The following SLC25A1 variants were observed in gnomAD, a reference collection of about 807,000 sequenced individuals.
SLC25A1 encodes the protein tricarboxylate transport protein, mitochondrial.
Under a neutral mutation model 38.1 loss-of-function variants are expected in SLC25A1, and 26 were observed. That is an observed-to-expected ratio of 0.68 (90% CI 0.50 to 0.95). The LOEUF is 0.95. Among genes scored for constraint, SLC25A1 ranks in the 40% least tolerant of loss-of-function variants. The probability of loss-of-function intolerance (pLI) is 0.00; values close to 1 mark genes in which losing one functional copy is unlikely to be tolerated. For missense variants in SLC25A1, 378 were observed against 426.6 expected (o/e 0.89, Z 1.00); for synonymous variants, 211 against 183.2 (o/e 1.15, Z -1.23).
chr22:19,176,702 AG>A lies in SLC25A1; in HGVS notation c.632-10del. The stretch of plus-strand genomic sequence containing the variant: ...CTTGTTGGGGTTGTCCCCTGGATAT[AG>A]GAGGGGTGAGGTGGGTCAGAGGGTG... On this transcript the variant is annotated splice_polypyrimidine_tract_variant and intron_variant, in intron 6 of 8. Transcript: ENST00000215882. The A allele has an allele frequency of 6.2e-7, 1 of 1,610,434 alleles. No homozygotes were observed. The highest frequency in any genetic ancestry group is 1.1e-5 in the South Asian group (1 of 91,032).
chr22:19,177,036 A>C, intron 5 of SLC25A1, 84 bp downstream of exon 5: 1 of 1,583,262 alleles, frequency 6.3e-7, no homozygotes, highest in Non-Finnish European at 8.7e-7. Flanking sequence ...GTGTTGCACA[A>C]AGCCCAAGGC....
In SLC25A1 at chr22:19,178,208, T is replaced by C. The variant is rs1268260890; in HGVS notation, c.127A>G (p.Thr43Ala). The change falls in exon 2 of 9, where the codon ACC becomes GCC. Residue 43 changes from threonine to alanine, a missense_variant. Coordinates refer to ENST00000215882, the MANE Select transcript of SLC25A1 (RefSeq NM_005984.5). This position sits in a 1 kb window ranked among gnomAD's most constrained non-coding sequence, Gnocchi z 4.9. The part of the protein sequence containing the change: ...GLAGGIEICI[T>A]FPTEYVKTQL... ...GTCTTCACGTACTCGGTGGGGAAGG[T>C]GATGCAGATCTCGATGCCACCCGCC... 3 of 1,551,676 alleles carry C rather than the reference T, an allele frequency of 1.9e-6. No homozygotes were observed. The highest frequency in any genetic ancestry group is 2.6e-6 in the Non-Finnish European group (3 of 1,148,710).
chr22:19,178,452 G>A lies in SLC25A1; in HGVS notation c.94+128C>T. 7.3e-7 allele frequency: 1 copy of A among 1,371,224 alleles called. No homozygotes were observed. Among genetic ancestry groups the A allele is most frequent in the Non-Finnish European group, 9.4e-7 (1 of 1,069,172 alleles). 84.9% of individuals were successfully genotyped at this position (1,371,224 alleles called of 1,614,324 possible). A position where few individuals can be genotyped will look rare whatever the true frequency, so the allele number is the denominator to read the frequency against. Reference sequence around the variant, plus strand: ...GCGGGCGAGTCCCAGCGCGCCGGGTGGGGACCAGGACCGCGCCTCCACGAC... The same window carrying A: ...GCGGGCGAGTCCCAGCGCGCCGGGTAGGGACCAGGACCGCGCCTCCACGAC... On this transcript the variant is annotated intron_variant, in intron 1 of 8. Transcript: ENST00000215882. This position sits in a 1 kb window ranked among gnomAD's most constrained non-coding sequence, Gnocchi z 4.9.
In SLC25A1 at chr22:19,178,130, C is replaced by T. The variant is rs782189539; in HGVS notation, c.202+3G>A. 137 of 1,542,684 alleles carry T rather than the reference C, an allele frequency of 8.9e-5. No homozygotes were observed. The highest frequency in any genetic ancestry group is 1.1e-4 in the Non-Finnish European group (129 of 1,144,036). Reference sequence around the variant, plus strand: ...CGCGGCGCCGCGGCCTCCCCCTCCTCACCGATGCCCCGGTACCGCGGCGGG... The same window carrying T: ...CGCGGCGCCGCGGCCTCCCCCTCCTTACCGATGCCCCGGTACCGCGGCGGG... On this transcript the variant is annotated splice_donor_region_variant and intron_variant, in intron 2 of 8. Transcript: ENST00000215882. The surrounding 1 kb of genome is among the most constrained non-coding windows in gnomAD (Gnocchi z 4.9).
At chr22:19,177,688 TC>T in intron 4 of SLC25A1, 38 bp downstream of exon 4, 1 of 1,601,496 alleles carries the variant, frequency 6.2e-7, no homozygotes, top group Non-Finnish European at 8.5e-7. Context: ...GTCTCCGTAC[TC>T]CCTGCGTGTC....
Position 19,175,969 on chromosome 22 carries a change from G to C in SLC25A1, c.*161C>G, listed in dbSNP as rs1019219352. On this transcript the variant is annotated 3_prime_UTR_variant, in exon 9 of 9. Transcript: ENST00000215882. ...TGGTGGTGTCACACACAGACCACAG[G>C]GGGGACACATGGATTTGACAGCCAC... is the stretch of plus-strand genomic sequence containing the variant. The C allele has an allele frequency of 6.1e-6, 4 of 652,106 alleles. No individual in the cohort carries two copies. The highest frequency in any genetic ancestry group is 4.3e-5 in the Admixed American group (2 of 46,688). The allele number at this position is 652,106 out of a possible 1,614,324, so 40.4% of individuals were successfully genotyped here.
intron 4 of SLC25A1, 136 bp downstream of exon 4, chr22:19,177,591 G>A: frequency 3.2e-6 from 4 of 1,235,460 alleles, no homozygotes; most frequent in Non-Finnish European, 3.3e-6. Flanking sequence ...AGGGCCCCGC[G>A]GTCACCCCGC....
Position 19,176,644 on chromosome 22 carries a change from T to A in SLC25A1, c.681A>T (p.Gly227=). The A allele has an allele frequency of 6.2e-7, 1 of 1,613,762 alleles. No homozygotes were observed. The highest frequency in any genetic ancestry group is 8.5e-7 in the Non-Finnish European group (1 of 1,179,962). The change falls in exon 7 of 9, where the codon GGA becomes GGT. Residue 227 remains glycine, a synonymous_variant. Coordinates refer to ENST00000215882, the MANE Select transcript of SLC25A1 (RefSeq NM_005984.5). Reference sequence around the variant, plus strand: ...AGACACTGGCTGCGCCTGCAATAGCTCCGAAGACCCCAGTGATCAGAGGGT... The same window carrying A: ...AGACACTGGCTGCGCCTGCAATAGCACCGAAGACCCCAGTGATCAGAGGGT... The part of the protein sequence containing the change: ...PMNPLITGVF[G]AIAGAASVFG...
In SLC25A1 at chr22:19,177,948, GCC is replaced by G; in HGVS notation, c.294_295del (p.Ala99ArgfsTer70). On this transcript the variant is annotated frameshift_variant, in exon 3 of 9. Transcript: ENST00000215882. LOFTEE classifies it high-confidence loss of function. ...GCCACCGGCCGGGCCTCACCTGACG[GCC>G]GCCTTGGGGATGGAACCGTAGAGCA... The G allele has an allele frequency of 6.3e-7, 1 of 1,599,436 alleles. No homozygotes were observed. Among genetic ancestry groups the G allele is most frequent in the African/African-American group, 1.3e-5 (1 of 74,798 alleles).
Position 19,176,234 on chromosome 22 carries a change from C to T in SLC25A1, c.832G>A (p.Gly278Ser). ...KKEGLKAFYKGTVPRLGRVCL... is the reference protein window; with the variant it reads ...KKEGLKAFYKSTVPRLGRVCL... ...ACCCGGCCCAGGCGGGGGACAGTGC[C>T]CTTGTAGAATCTGGGTGGGAGGAGG... The change falls in exon 9 of 9, where the codon GGC becomes AGC. Residue 278 changes from glycine (G) to serine (S), a missense_variant. Coordinates refer to ENST00000215882, the MANE Select transcript of SLC25A1 (RefSeq NM_005984.5). 2 of 1,612,926 alleles carry T rather than the reference C, an allele frequency of 1.2e-6. No homozygotes were observed. The highest frequency in any genetic ancestry group is 4.5e-5 in the East Asian group (2 of 44,880).
In SLC25A1 at chr22:19,178,489, C is replaced by T; in HGVS notation, c.94+91G>A. The T allele has an allele frequency of 7.5e-7, 1 of 1,328,942 alleles. No individual in the cohort carries two copies. Among genetic ancestry groups the T allele is most frequent in the Admixed American group, 4.1e-5 (1 of 24,534 alleles). The allele number at this position is 1,328,942 out of a possible 1,614,324, so 82.3% of individuals were successfully genotyped here. A position where few individuals can be genotyped will look rare whatever the true frequency, so the allele number is the denominator to read the frequency against. ...CGCGCCTCCACGACTCCCCAGCCCACGGCCCAACCCGGAAGTGGGGCGGGG... is the reference window on the plus strand; with the variant it reads ...CGCGCCTCCACGACTCCCCAGCCCATGGCCCAACCCGGAAGTGGGGCGGGG... On this transcript the variant is annotated intron_variant, in intron 1 of 8. Coordinates refer to ENST00000215882, the MANE Select transcript of SLC25A1 (RefSeq NM_005984.5). The surrounding 1 kb of genome is among the most constrained non-coding windows in gnomAD (Gnocchi z 4.9).
At chr22:19,177,069 C>T in intron 5 of SLC25A1, 51 bp downstream of exon 5, 1 of 1,594,906 alleles carries the variant, frequency 6.3e-7, no homozygotes, top group Non-Finnish European at 8.6e-7. Context: ...GCAGGCCCTT[C>T]CCACCCTGGC....
rs1555922972 is a variant in SLC25A1, at chr22:19,177,799, A to G, written c.369T>C (p.Arg123=). ...CAGCGCCCAGGCCGCACAGCAGCCC[A>G]CGCGTGCTGTCCAGCCGTCCCTGGG... is the stretch of plus-strand genomic sequence containing the variant. ...RDAQGRLDST[R]GLLCGLGAGV... Residue 123 remains arginine (R), a synonymous_variant, in exon 4 of 9, where the codon CGT becomes CGC. Coordinates refer to ENST00000215882, the MANE Select transcript of SLC25A1 (RefSeq NM_005984.5). 11 of 1,610,832 alleles carry G rather than the reference A, an allele frequency of 6.8e-6. No individual in the cohort carries two copies. The highest frequency in any genetic ancestry group is 7.6e-6 in the Non-Finnish European group (9 of 1,179,476).
chr22:19,177,820 C>T lies in SLC25A1; in HGVS notation c.348G>A (p.Gln116=), dbSNP rs1555923008. 1.9e-6 allele frequency: 3 copies of T among 1,610,840 alleles called. No homozygotes were observed. Among genetic ancestry groups the T allele is most frequent in the Non-Finnish European group, 2.5e-6 (3 of 1,179,224 alleles). The part of the protein sequence containing the change: ...EFLSNHMRDA[Q]GRLDSTRGLL... Reference sequence around the variant, plus strand: ...GCCCACGCGTGCTGTCCAGCCGTCCCTGGGCATCCCGCATGTGGTTGCTGA... The same window carrying T: ...GCCCACGCGTGCTGTCCAGCCGTCCTTGGGCATCCCGCATGTGGTTGCTGA... The change falls in exon 4 of 9, where the codon CAG becomes CAA. Residue 116 remains glutamine, a synonymous_variant. Transcript: ENST00000215882.
Position 19,178,117 on chromosome 22 carries a change from G to A in SLC25A1, c.202+16C>T. ...GGTACCCGCCCCCCGCGGCGCCGCGGCCTCCCCCTCCTCACCGATGCCCCG... is the reference window on the plus strand; with the variant it reads ...GGTACCCGCCCCCCGCGGCGCCGCGACCTCCCCCTCCTCACCGATGCCCCG... On this transcript the variant is annotated intron_variant, in intron 2 of 8. Coordinates refer to ENST00000215882, the MANE Select transcript of SLC25A1 (RefSeq NM_005984.5). The surrounding 1 kb of genome is among the most constrained non-coding windows in gnomAD (Gnocchi z 4.9). 6.5e-7 allele frequency: 1 copy of A among 1,536,206 alleles called. No homozygotes were observed. The highest frequency in any genetic ancestry group is 8.8e-7 in the Non-Finnish European group (1 of 1,141,446).
In SLC25A1 at chr22:19,176,059, G is replaced by T; in HGVS notation, c.*71C>A. ...AGGGGCCTTTTGGCACTACTGCACTGGAATCGTGAGACAAAGGTAGCAGGA... is the reference window on the plus strand; with the variant it reads ...AGGGGCCTTTTGGCACTACTGCACTTGAATCGTGAGACAAAGGTAGCAGGA... On this transcript the variant is annotated 3_prime_UTR_variant, in exon 9 of 9. Coordinates refer to ENST00000215882, the MANE Select transcript of SLC25A1 (RefSeq NM_005984.5). 8.4e-7 allele frequency: 1 copy of T among 1,188,580 alleles called. No individual in the cohort carries two copies. Among genetic ancestry groups the T allele is most frequent in the Non-Finnish European group, 1.2e-6 (1 of 848,880 alleles). 73.6% of individuals were successfully genotyped at this position (1,188,580 alleles called of 1,614,324 possible). A position where few individuals can be genotyped will look rare whatever the true frequency, so the allele number is the denominator to read the frequency against.
Position 19,176,120 on chromosome 22 carries a change from C to T in SLC25A1, c.*10G>A. 6.2e-7 allele frequency: 1 copy of T among 1,611,876 alleles called. No individual in the cohort carries two copies. The highest frequency in any genetic ancestry group is 8.5e-7 in the Non-Finnish European group (1 of 1,178,426). ...GTGCCTGGGGCGGTCCCCTTGCGGC[C>T]TCTCTAGGCTTAGTCCGTCTTCCAC... On this transcript the variant is annotated 3_prime_UTR_variant, in exon 9 of 9. Transcript: ENST00000215882.
intron 6 of SLC25A1, 35 bp from the exon 7 acceptor site, chr22:19,176,728 G>C: frequency 1.3e-6 from 2 of 1,596,312 alleles, no homozygotes; most frequent in Non-Finnish European, 1.7e-6. Context: ...GTCAGAGGGT[G>C]CCGGGAGGGG....
intron 4 of SLC25A1, 44 bp from the exon 5 acceptor site, chr22:19,177,248 G>C (rs1555922668): frequency 6.5e-7 from 1 of 1,543,696 alleles, no homozygotes; most frequent in African/African-American, 1.4e-5. Context: ...CTGCCACCTG[G>C]GTGGGTCCTG....
Sources: allele counts gnomAD v4.1 joint callset, GRCh38; gene constraint gnomAD v4.1.1; non-coding constraint Gnocchi (gnomAD v3.1); transcripts MANE v1.5; gene names NCBI Gene and HGNC (gene_info 2026-07-23, HGNC 2026-07-21).